The following POLH variants were observed in gnomAD, a reference collection of about 807,000 sequenced individuals.
The protein encoded by POLH is DNA polymerase eta transcript.
A neutral mutation model predicts 73.6 loss-of-function variants in POLH; 53 were observed. The observed-to-expected ratio is 0.72, with a 90% CI of 0.58 to 0.91. The LOEUF is 0.91. Among genes scored for constraint, POLH ranks in the 40% least tolerant of loss-of-function variants. The probability of loss-of-function intolerance (pLI) is 0.00; values close to 1 mark genes in which losing one functional copy is unlikely to be tolerated. For synonymous variants in POLH, 292 were observed against 308.5 expected (o/e 0.95, Z 0.56); for missense variants, 768 against 865.4 (o/e 0.89, Z 1.41).
rs121908562 is a variant in POLH, at chr6:43,604,646, G to T, written c.916G>T (p.Glu306Ter). ...SWLYAMCRGI[E>*]HDPVKPRQLP... ...GCTATATGCCATGTGCCGAGGGATTGAACATGATCCAGTTAAACCCAGGCA... is the reference window on the plus strand; with the variant it reads ...GCTATATGCCATGTGCCGAGGGATTTAACATGATCCAGTTAAACCCAGGCA... The change falls in exon 8 of 11, where the codon GAA (glutamate) becomes TAA (stop). Residue 306 changes from glutamate (E) to a stop codon, truncating the protein, a stop_gained. Transcript: ENST00000372236. LOFTEE classifies it high-confidence loss of function. The T allele has an allele frequency of 1.9e-6, 3 of 1,614,058 alleles. No homozygotes were observed. In the East Asian group the frequency reaches 6.7e-5, roughly 36 times the overall value.
At chr6:43,597,325 GGCTGGTCTTGA>G (rs563361086) in intron 4 of POLH, among the ~76,000 whole-genome samples, 1 of 152,284 alleles carries the variant, frequency 6.6e-6, no homozygotes, top group Admixed American at 6.5e-5. Context: ...ATGTTGGACA[GGCTGGTCTTGA>G]ACTCCTGACC....
chr6:43,596,054 T>C (rs1052060269), intron 4 of POLH, among the ~76,000 whole-genome samples: 1 of 151,944 alleles, frequency 6.6e-6, no homozygotes, highest in Non-Finnish European at 1.5e-5. Context: ...ATATTACAGA[T>C]AAAAGGTAAA....
At chr6:43,602,720 T>G (rs770323985) in intron 6 of POLH, among the ~76,000 whole-genome samples, 3 of 151,764 alleles carry the variant, frequency 2.0e-5, no homozygotes, top group Non-Finnish European at 4.4e-5. Flanking sequence ...CAGGCTGGAG[T>G]GCAGTGGCGC....
At position 43,616,256 on chromosome 6, in the gene POLH, G is replaced by A. The variant is rs2127824832; in HGVS notation, c.*1699G>A. ...GAGCGCGCCACTGCACTCCAGCCTG[G>A]GTGACAGAGCGAGACTCCGTCTCAA... On this transcript the variant is annotated 3_prime_UTR_variant, in exon 11 of 11. Coordinates refer to ENST00000372236, the MANE Select transcript of POLH (RefSeq NM_006502.3). Among the ~76,000 whole-genome samples, 1 of 150,994 alleles carries A rather than the reference G, an allele frequency of 6.6e-6. No homozygotes were observed. The highest frequency in any genetic ancestry group is 2.0e-4 in the East Asian group (1 of 5,080).
chr6:43,610,952 C>G (rs557941299), intron 10 of POLH, among the ~76,000 whole-genome samples: 27 of 152,190 alleles, frequency 1.8e-4, no homozygotes, highest in African/African-American at 3.6e-4. Flanking sequence ...ATCGGCCGGG[C>G]GCAGTGGCTC....
chr6:43,585,637 C>CTTTTTTTT (rs1208848737), intron 3 of POLH, among the ~76,000 whole-genome samples: 4 of 107,428 alleles, frequency 3.7e-5, no homozygotes, highest in African/African-American at 1.1e-4. Flanking sequence ...TCTTTCTTTT[C>CTTTTTTTT]TTTTTTTTTT....
chr6:43,587,606 C>A, intron 4 of POLH, 117 bp downstream of exon 4: 1 of 758,494 alleles, frequency 1.3e-6, no homozygotes, highest in Non-Finnish European at 2.4e-6. Context: ...CTGAATGAAT[C>A]ACAAGGACTC....
intron 6 of POLH, among the ~76,000 whole-genome samples, chr6:43,602,622 G>C (rs1448442207): frequency 6.6e-6 from 1 of 152,044 alleles, no homozygotes. Flanking sequence ...CTGAAAAGAT[G>C]GTTTAAAGAC....
chr6:43,582,211 C>A, intron 1 of POLH, 105 bp from the exon 2 acceptor site: 1 of 1,024,822 alleles, frequency 9.8e-7, no homozygotes, highest in African/African-American at 1.6e-5. Flanking sequence ...AGTTTCCATG[C>A]TCCCATGCTC....
At chr6:43,596,099 T>C (rs1364109979) in intron 4 of POLH, among the ~76,000 whole-genome samples, 2 of 152,130 alleles carry the variant, frequency 1.3e-5, no homozygotes, top group Non-Finnish European at 2.9e-5. Flanking sequence ...CTAGCTAGAA[T>C]AGTTGAAGGA....
At chr6:43,603,750 G>C (rs1766985733) in intron 6 of POLH, 142 bp from the exon 7 acceptor site, 2 of 795,020 alleles carry the variant, frequency 2.5e-6, no homozygotes, top group African/African-American at 1.7e-5. Flanking sequence ...CTAACTCCCA[G>C]AGTAACTGAA....
intron 4 of POLH, among the ~76,000 whole-genome samples, chr6:43,589,425 ATGTT>A (rs932196576): frequency 6.6e-6 from 1 of 152,162 alleles, no homozygotes; most frequent in Admixed American, 6.5e-5. Context: ...TGCCAATATA[ATGTT>A]TGTTTGTTTT....
chr6:43,611,057 C>A (rs1311242002), intron 10 of POLH, among the ~76,000 whole-genome samples: 1 of 152,164 alleles, frequency 6.6e-6, no homozygotes, highest in African/African-American at 2.4e-5. Flanking sequence ...TGTCTTAGCT[C>A]TACAAGTAGT....
At position 43,585,637 on chromosome 6, in the gene POLH, C is replaced by CTTTTTTTTTTTTTTTTTT. The variant is rs1208848737; in HGVS notation, c.273-1618_273-1617insTTTTTTTTTTTTTTTTTT. 2.1e-4 allele frequency among the ~76,000 whole-genome samples: 23 copies of CTTTTTTTTTTTTTTTTTT among 107,410 alleles called. 1 individual carries two copies. Among genetic ancestry groups the CTTTTTTTTTTTTTTTTTT allele is most frequent in the African/African-American group, 1.2e-3 (22 of 18,486 alleles). The allele number at this position is 107,410 out of a possible 152,430, so 70.5% of individuals were successfully genotyped here. A position where few individuals can be genotyped will look rare whatever the true frequency, so the allele number is the denominator to read the frequency against. On this transcript the variant is annotated intron_variant, in intron 3 of 10. Coordinates refer to ENST00000372236, the MANE Select transcript of POLH (RefSeq NM_006502.3). Reference sequence around the variant, plus strand: ...GTATGAGTATATTGCTCTTTCTTTTCTTTTTTTTTTTTTTTTTGTGGGTGG... The same window carrying CTTTTTTTTTTTTTTTTTT: ...GTATGAGTATATTGCTCTTTCTTTTCTTTTTTTTTTTTTTTTTTTTTTTTTTTTTTTTTTTGTGGGTGG...
intron 1 of POLH, among the ~76,000 whole-genome samples, chr6:43,577,890 C>T (rs1763549134): frequency 6.7e-6 from 1 of 149,062 alleles, no homozygotes; most frequent in East Asian, 2.0e-4. Context: ...CGAGACCATC[C>T]TGGCTAACAC....
intron 4 of POLH, among the ~76,000 whole-genome samples, chr6:43,596,153 A>T (rs1766027726): frequency 6.6e-6 from 1 of 152,232 alleles, no homozygotes; most frequent in Admixed American, 6.5e-5. Context: ...CCTAAAGTAT[A>T]GATGTGTTTA....
chr6:43,604,611 T>G lies in POLH; in HGVS notation c.885-4T>G. 1 of 1,613,976 alleles carries G rather than the reference T, an allele frequency of 6.2e-7. No individual in the cohort carries two copies. The highest frequency in any genetic ancestry group is 8.5e-7 in the Non-Finnish European group (1 of 1,179,810). ...ACCTTAACGTTTTTTGCTGGTCTTA[T>G]TAGGTCTTGGCTATATGCCATGTGC... On this transcript the variant is annotated splice_region_variant and splice_polypyrimidine_tract_variant and intron_variant, in intron 7 of 10. Coordinates refer to ENST00000372236, the MANE Select transcript of POLH (RefSeq NM_006502.3).
intron 5 of POLH, among the ~76,000 whole-genome samples, chr6:43,598,707 G>A (rs1220352169): frequency 1.3e-5 from 2 of 151,960 alleles, no homozygotes; most frequent in East Asian, 1.9e-4. Context: ...TACATTGTAC[G>A]TTATAGGTGT....
Position 43,605,443 on chromosome 6 carries a change from C to CTTTTTTTTTT in POLH, c.1074+139_1074+148dup, listed in dbSNP as rs540143863. The CTTTTTTTTTT allele has an allele frequency of 7.8e-4, 232 of 296,130 alleles. 2 individuals carry two copies. The highest frequency in any genetic ancestry group is 1.3e-3 in the African/African-American group (36 of 28,120). 18.3% of individuals were successfully genotyped at this position (296,130 alleles called of 1,614,324 possible). On this transcript the variant is annotated intron_variant, in intron 9 of 10. Coordinates refer to ENST00000372236, the MANE Select transcript of POLH (RefSeq NM_006502.3). ...AGCATAGGAAATATCCGTTTTCTTT[C>CTTTTTTTTTT]TTTTTTTTTTTTTTTTTTTTTTTTG...
Sources: allele counts gnomAD v4.1 joint callset (sites outside exome capture counted in the v4.1 genomes callset), GRCh38; gene constraint gnomAD v4.1.1; transcripts MANE v1.5; gene names NCBI Gene and HGNC (gene_info 2026-07-23, HGNC 2026-07-21).